C1orf52: variants seen among roughly 807,000 people sequenced by gnomAD.
C1orf52 encodes the protein chromosome 1 open reading frame 52.
C1orf52 carries 5 observed loss-of-function variants against 17.2 expected under a neutral mutation model. The ratio of observed to expected loss-of-function variants is 0.29; its 90% CI spans 0.15 to 0.61. The LOEUF (loss-of-function observed/expected upper bound fraction) is 0.61, where lower values mean the gene tolerates loss of function less well. Ranked by LOEUF, C1orf52 falls within the 20% of genes least tolerant of loss-of-function variation. C1orf52 has a pLI of 0.85. For synonymous variants in C1orf52, 110 were observed against 88.0 expected (o/e 1.25, Z -1.40); for missense variants, 245 against 234.1 (o/e 1.05, Z -0.30).
intron 2 of C1orf52, among the ~76,000 whole-genome samples, chr1:85,254,551 C>T (rs1659880890): frequency 6.6e-6 from 1 of 152,098 alleles, no homozygotes. Context: ...GCCATCACAC[C>T]CAGCTAATTT....
intron 2 of C1orf52, among the ~76,000 whole-genome samples, chr1:85,256,596 C>G (rs573534901): frequency 1.3e-4 from 20 of 151,934 alleles, no homozygotes; most frequent in South Asian, 1.2e-3. Flanking sequence ...TCAGGAGATC[C>G]AGACCATCCT....
At chr1:85,254,663 TTACAGGCGTGAG>T (rs1338429721) in intron 2 of C1orf52, among the ~76,000 whole-genome samples, 28 of 152,358 alleles carry the variant, frequency 1.8e-4, no homozygotes, top group Non-Finnish European at 3.4e-4. Flanking sequence ...AGTGCTGGGA[TTACAGGCGTGAG>T]CCACCGCACC....
chr1:85,252,454 A>G lies in C1orf52; in HGVS notation c.*175T>C, dbSNP rs745623593. 2 of 564,486 alleles carry G rather than the reference A, an allele frequency of 3.5e-6. No homozygotes were observed. Among genetic ancestry groups the G allele is most frequent in the South Asian group, 2.3e-5 (1 of 42,770 alleles). The allele number at this position is 564,486 out of a possible 1,614,324, so 35.0% of individuals were successfully genotyped here. On this transcript the variant is annotated 3_prime_UTR_variant, in exon 3 of 3. Coordinates refer to ENST00000471115, the MANE Select transcript of C1orf52 (RefSeq NM_198077.4). ...CACCAGTTGAGTTTTAAATACATACATGTTTTAAATAAAAAAAGAATTCTA... is the reference window on the plus strand; with the variant it reads ...CACCAGTTGAGTTTTAAATACATACGTGTTTTAAATAAAAAAAGAATTCTA...
chr1:85,259,395 A>G lies in C1orf52; in HGVS notation c.239T>C (p.Ile80Thr). The G allele has an allele frequency of 1.2e-6, 2 of 1,613,756 alleles. No individual in the cohort carries two copies. Among genetic ancestry groups the G allele is most frequent in the Non-Finnish European group, 1.7e-6 (2 of 1,179,874 alleles). ...CTTGACGACGTGCCTCTCCCAGTCTATCTGTTTGTTGAGCGGATTGTAGAG... is the reference window on the plus strand; with the variant it reads ...CTTGACGACGTGCCTCTCCCAGTCTGTCTGTTTGTTGAGCGGATTGTAGAG... ...AFLYNPLNKQ[I>T]DWERHVVKAP... The change falls in exon 1 of 3, where the codon ATA becomes ACA. Residue 80 changes from isoleucine (I) to threonine (T), a missense_variant. Physicochemically the swap from Ile to Thr is moderately conservative, Grantham distance 89. Coordinates refer to ENST00000471115, the MANE Select transcript of C1orf52 (RefSeq NM_198077.4).
rs776481019 is a variant in C1orf52 at position 85,259,617 on chromosome 1, T to C, written c.17A>G (p.Lys6Arg). The C allele has an allele frequency of 6.4e-7, 1 of 1,564,314 alleles. No homozygotes were observed. Among genetic ancestry groups the C allele is most frequent in the Non-Finnish European group, 8.7e-7 (1 of 1,154,436 alleles). The part of the protein sequence containing the change: MAAEE[K>R]DPLSYFAAYG... Reference sequence around the variant, plus strand: ...TGCCGCAAAATAGCTCAGAGGGTCCTTCTCCTCCGCTGCCATGACGGCTGC... The same window carrying C: ...TGCCGCAAAATAGCTCAGAGGGTCCCTCTCCTCCGCTGCCATGACGGCTGC... The change falls in exon 1 of 3, where the codon AAG becomes AGG. Residue 6 changes from lysine (K) to arginine (R), a missense_variant. Transcript: ENST00000471115.
intron 2 of C1orf52, among the ~76,000 whole-genome samples, chr1:85,255,339 CAGG>C (rs1216541439): frequency 6.6e-6 from 1 of 152,136 alleles, no homozygotes. Flanking sequence ...ATCACGAGGT[CAGG>C]AGATCGAGAC....
chr1:85,257,052 G>A (rs1228970660), intron 2 of C1orf52, among the ~76,000 whole-genome samples: 1 of 152,112 alleles, frequency 6.6e-6, no homozygotes, highest in Non-Finnish European at 1.5e-5. Context: ...TGTTAAAAAC[G>A]GGCTAAGTAG....
chr1:85,257,774 C>T (rs1659980797), intron 2 of C1orf52, among the ~76,000 whole-genome samples: 1 of 152,184 alleles, frequency 6.6e-6, no homozygotes, highest in African/African-American at 2.4e-5. Context: ...TTTTGTCATA[C>T]TAATTTTAGC....
At chr1:85,259,250 G>A in intron 1 of C1orf52, 108 bp downstream of exon 1, 2 of 1,383,242 alleles carry the variant, frequency 1.4e-6, no homozygotes, top group Non-Finnish European at 2.0e-6. Flanking sequence ...GGCATCCCGC[G>A]GGGGTGACTG....
intron 2 of C1orf52, chr1:85,257,598 C>T: frequency 4.6e-6 from 3 of 646,150 alleles, no homozygotes; most frequent in Non-Finnish European, 8.4e-6. Context: ...CTTTTAGAAA[C>T]TCAACACTAG....
At chr1:85,254,505 C>T (rs957180520) in intron 2 of C1orf52, among the ~76,000 whole-genome samples, 2 of 151,968 alleles carry the variant, frequency 1.3e-5, no homozygotes, top group African/African-American at 2.4e-5. Context: ...CATTCTCCTG[C>T]CTCAGCCTCC....
At chr1:85,254,354 C>T (rs555916527) in intron 2 of C1orf52, among the ~76,000 whole-genome samples, 1 of 151,670 alleles carries the variant, frequency 6.6e-6, no homozygotes, top group East Asian at 1.9e-4. Flanking sequence ...CTCCACAAAC[C>T]AAATAACATG....
At chr1:85,252,913 A>G (rs1659834842) in intron 2 of C1orf52, among the ~76,000 whole-genome samples, 1 of 152,182 alleles carries the variant, frequency 6.6e-6, no homozygotes, top group African/African-American at 2.4e-5. Context: ...AATTGCAGCC[A>G]TACAAAATTC....
chr1:85,258,489 A>G, intron 2 of C1orf52, 35 bp downstream of exon 2: 1 of 1,562,568 alleles, frequency 6.4e-7, no homozygotes, highest in Non-Finnish European at 8.7e-7. Flanking sequence ...CACGGGGATC[A>G]AAATAGACCA....
At chr1:85,253,154 G>A (rs1399590563) in intron 2 of C1orf52, among the ~76,000 whole-genome samples, 4 of 152,070 alleles carry the variant, frequency 2.6e-5, no homozygotes, top group South Asian at 2.1e-4. Context: ...GGGCTTTATT[G>A]GCCCAACCAA....
At chr1:85,257,948 C>CA (rs975673800) in intron 2 of C1orf52, among the ~76,000 whole-genome samples, 73 of 150,190 alleles carry the variant, frequency 4.9e-4, no homozygotes, top group East Asian at 4.7e-3. Context: ...TCTACAAAAA[C>CA]AAAAAAAACA....
Position 85,259,364 on chromosome 1 carries a change from A to G in C1orf52, c.270T>C (p.Pro90=). The change falls in exon 1 of 3, where the codon CCT becomes CCC. Residue 90 remains proline, a synonymous_variant. Coordinates refer to ENST00000471115, the MANE Select transcript of C1orf52 (RefSeq NM_198077.4). The stretch of plus-strand genomic sequence containing the variant: ...ACGGGGTCGGGGACCTCACCTCCTC[A>G]GGCGCCTTGACGACGTGCCTCTCCC... ...IDWERHVVKA[P]EEPPKEFKIW... The G allele has an allele frequency of 6.2e-7, 1 of 1,610,690 alleles. No homozygotes were observed. Among genetic ancestry groups the G allele is most frequent in the South Asian group, 1.1e-5 (1 of 91,028 alleles).
At chr1:85,258,995 CAG>C in intron 1 of C1orf52, 3 of 1,354,742 alleles carry the variant, frequency 2.2e-6, no homozygotes, top group Non-Finnish European at 2.8e-6. Context: ...GAGGCTGCAG[CAG>C]ACACTGTCTT....
At chr1:85,259,068 C>CGGGG in intron 1 of C1orf52, 1 of 1,008,410 alleles carries the variant, frequency 9.9e-7, no homozygotes, top group Non-Finnish European at 1.3e-6. Context: ...GAAGCTGCAG[C>CGGGG]GGGGGGGGCG....
Sources: gnomAD v4.1 joint callset for allele counts (sites outside exome capture counted in the v4.1 genomes callset) on GRCh38, gnomAD v4.1.1 for gene constraint, MANE v1.5 for transcripts, NCBI Gene and HGNC (gene_info 2026-07-23, HGNC 2026-07-21) for gene names.